The following IFT43 variants were observed in gnomAD, a reference collection of about 807,000 sequenced individuals.
The protein encoded by IFT43 is intraflagellar transport protein 43 homolog.
IFT43 carries 33 observed loss-of-function variants against 32.3 expected under a neutral mutation model. The ratio of observed to expected loss-of-function variants is 1.02; its 90% CI spans 0.77 to 1.37. The LOEUF (loss-of-function observed/expected upper bound fraction) is 1.37. Ranked by LOEUF, IFT43 falls within the 40% of genes most tolerant of loss-of-function variation. The pLI, the probability that IFT43 is intolerant of heterozygous loss-of-function variation, is 0.00. For synonymous variants in IFT43, 93 were observed against 98.2 expected (o/e 0.95, Z 0.31); for missense variants, 274 against 265.9 (o/e 1.03, Z -0.21).
intron 5 of IFT43, among the ~76,000 whole-genome samples, chr14:76,062,805 T>C (rs1418165293): frequency 2.7e-5 from 4 of 150,302 alleles, no homozygotes; most frequent in Non-Finnish European, 5.9e-5. Context: ...TAATCCCAGC[T>C]ACTCGGGAGG....
chr14:76,020,525 C>T (rs2139951338), intron 2 of IFT43, among the ~76,000 whole-genome samples: 1 of 151,624 alleles, frequency 6.6e-6, no homozygotes, highest in South Asian at 2.1e-4. Context: ...TAAGAAAAGA[C>T]TTCCCTATAG....
chr14:76,025,663 A>G (rs902472441), intron 3 of IFT43, among the ~76,000 whole-genome samples: 13 of 152,310 alleles, frequency 8.5e-5, no homozygotes, highest in African/African-American at 3.1e-4. Context: ...TATACCTGCA[A>G]CTATCTTCAA....
chr14:76,048,187 A>G (rs879175308), intron 3 of IFT43, among the ~76,000 whole-genome samples: 23 of 152,252 alleles, frequency 1.5e-4, no homozygotes, highest in African/African-American at 5.1e-4. Context: ...AAGGCCATGC[A>G]CTATACTATT....
intron 2 of IFT43, among the ~76,000 whole-genome samples, chr14:76,017,268 A>T (rs540599070): frequency 2.3e-4 from 35 of 152,288 alleles, no homozygotes; most frequent in African/African-American, 8.2e-4. Flanking sequence ...AGGGATGTTC[A>T]ATCATATCAA....
intron 2 of IFT43, among the ~76,000 whole-genome samples, chr14:75,992,778 C>T (rs937453741): frequency 1.3e-4 from 20 of 152,102 alleles, no homozygotes; most frequent in Admixed American, 8.5e-4. Context: ...TGGCCTCAAT[C>T]GATCCTCCTG....
intron 2 of IFT43, among the ~76,000 whole-genome samples, chr14:75,996,323 A>C (rs1481834152): frequency 6.6e-6 from 1 of 152,188 alleles, no homozygotes; most frequent in Admixed American, 6.5e-5. Context: ...AACTACTGTA[A>C]GCCAGTTTCC....
rs1216495965 is a variant in IFT43, at chr14:76,059,047, G to A, written c.249-280G>A. 5 of 1,423,144 alleles carry A rather than the reference G, an allele frequency of 3.5e-6. No individual in the cohort carries two copies. The African/African-American group carries it at 5.8e-5, about 16-fold the overall frequency. The allele number at this position is 1,423,144 out of a possible 1,614,324, so 88.2% of individuals were successfully genotyped here. ...AAGAAGTTTTCTAGATAAAGGTGCT[G>A]TGAAGGTAGGGCCACCCAGTTTCCT... On this transcript the variant is annotated intron_variant, in intron 4 of 8. Transcript: ENST00000314067.
rs988389360 is a variant in IFT43, at chr14:76,034,152, A to G, written c.215+11758A>G. ...AGATACTTGTCTTAATTTGGCTGCT[A>G]TAACAAGTTACCGTATATGGGGAGG... On this transcript the variant is annotated intron_variant, in intron 3 of 8. Transcript: ENST00000314067. 5.3e-5 allele frequency among the ~76,000 whole-genome samples: 8 copies of G among 152,354 alleles called. No homozygotes were observed. The East Asian group carries it at 1.3e-3, about 26-fold the overall frequency.
chr14:76,012,068 A>T (rs1046539379), intron 2 of IFT43, among the ~76,000 whole-genome samples: 3 of 152,170 alleles, frequency 2.0e-5, no homozygotes, highest in African/African-American at 7.2e-5. Flanking sequence ...GAAGATGGAT[A>T]TGTGTGAAGT....
intron 3 of IFT43, among the ~76,000 whole-genome samples, chr14:76,046,869 C>A (rs1490720316): frequency 6.6e-6 from 1 of 152,146 alleles, no homozygotes; most frequent in South Asian, 2.1e-4. Flanking sequence ...TAACAAAGTA[C>A]CACAGTCTGG....
chr14:75,990,988 A>G (rs2139866228), intron 2 of IFT43, among the ~76,000 whole-genome samples: 1 of 152,198 alleles, frequency 6.6e-6, no homozygotes, highest in East Asian at 1.9e-4. Flanking sequence ...CTCTTGCCAT[A>G]ATGGAAGTTA....
chr14:76,044,750 A>G (rs2140016586), intron 3 of IFT43, among the ~76,000 whole-genome samples: 1 of 152,308 alleles, frequency 6.6e-6, no homozygotes, highest in South Asian at 2.1e-4. Flanking sequence ...ATGTGCCAGG[A>G]AACCAAATAT....
At chr14:76,062,075 CTT>C (rs879681313) in intron 5 of IFT43, among the ~76,000 whole-genome samples, 8 of 146,126 alleles carry the variant, frequency 5.5e-5, no homozygotes, top group Non-Finnish European at 7.6e-5. Context: ...TTTTCCGCTT[CTT>C]TTTTTTTTTT....
intron 5 of IFT43, among the ~76,000 whole-genome samples, chr14:76,070,436 TCAAC>T (rs1309557113): frequency 2.0e-5 from 3 of 152,226 alleles, no homozygotes; most frequent in African/African-American, 7.2e-5. Flanking sequence ...CCCTGATGGC[TCAAC>T]TCCACTCTCA....
chr14:75,991,346 A>G (rs1307290569), intron 2 of IFT43, among the ~76,000 whole-genome samples: 1 of 146,514 alleles, frequency 6.8e-6, no homozygotes, highest in African/African-American at 2.6e-5. Flanking sequence ...ATAATTAACA[A>G]TAAGAGTATA....
At chr14:75,988,854 G>A (rs772709969) in intron 1 of IFT43, 31 bp from the exon 2 acceptor site, 1 of 1,613,366 alleles carries the variant, frequency 6.2e-7, no homozygotes, top group Admixed American at 1.7e-5. Flanking sequence ...ATGACATTTG[G>A]GTCAGCAGTG....
intron 5 of IFT43, among the ~76,000 whole-genome samples, chr14:76,071,984 G>A (rs1179349415): frequency 6.6e-6 from 1 of 152,002 alleles, no homozygotes; most frequent in Non-Finnish European, 1.5e-5. Flanking sequence ...GTTGCATATC[G>A]GCTCCCCCAT....
At chr14:76,062,938 A>AAAAGAAAAG (rs1555367538) in intron 5 of IFT43, among the ~76,000 whole-genome samples, 1 of 120,832 alleles carries the variant, frequency 8.3e-6, no homozygotes, top group African/African-American at 3.3e-5. Context: ...AAAAAAAAAA[A>AAAAGAAAAG]AAAGAAAATA....
intron 5 of IFT43, among the ~76,000 whole-genome samples, chr14:76,079,998 T>G (rs1485130401): frequency 6.6e-6 from 1 of 152,178 alleles, no homozygotes; most frequent in Admixed American, 6.5e-5. Context: ...TATTATGTGC[T>G]CATGAGCACT....
Sources: gnomAD v4.1 joint callset for allele counts (sites outside exome capture counted in the v4.1 genomes callset) on GRCh38, gnomAD v4.1.1 for gene constraint, MANE v1.5 for transcripts, NCBI Gene and HGNC (gene_info 2026-07-23, HGNC 2026-07-21) for gene names.